RBM47: variants seen among roughly 807,000 people sequenced by gnomAD.
The protein encoded by RBM47 is RNA-binding protein 47.
A neutral mutation model predicts 47.1 loss-of-function variants in RBM47; 21 were observed. The observed-to-expected ratio is 0.45, with a 90% CI of 0.32 to 0.64. The LOEUF (loss-of-function observed/expected upper bound fraction) is 0.64, where lower values mean the gene tolerates loss of function less well. Among genes scored for constraint, RBM47 ranks in the 30% least tolerant of loss-of-function variants. RBM47 has a pLI of 0.05. For missense variants in RBM47, 708 were observed against 870.9 expected, an observed-to-expected ratio of 0.81 and a Z score of 2.35; for synonymous variants, 375 against 361.7, an observed-to-expected ratio of 1.04 and a Z score of -0.42.
intron 1 of RBM47, among the ~76,000 whole-genome samples, chr4:40,561,552 TTTC>T (rs1404064645): frequency 9.2e-5 from 13 of 142,004 alleles, no homozygotes; most frequent in African/African-American, 3.0e-4. Context: ...TTCTTTTTTT[TTTC>T]TTTTTTTTTT....
chr4:40,473,691 T>C (rs1337314858), intron 2 of RBM47, among the ~76,000 whole-genome samples: 3 of 152,186 alleles, frequency 2.0e-5, no homozygotes, highest in African/African-American at 4.8e-5. Flanking sequence ...GTTTCCTAGC[T>C]TCTTAAAAAA....
rs1353695045 is a variant in RBM47, at chr4:40,549,704, G to A, written c.-239-5198C>T. On this transcript the variant is annotated intron_variant, in intron 1 of 6. Transcript: ENST00000295971. ...TGCCCAGCTAATTTTTTTTTGAGAC[G>A]GAGTCTCACTCTGTCGCCCAGGCTA... Among the ~76,000 whole-genome samples the A allele has an allele frequency of 2.7e-5, 4 of 150,916 alleles. No homozygotes were observed. In the South Asian group the frequency reaches 6.3e-4, roughly 24 times the overall value.
At chr4:40,617,736 A>C (rs553938810) in intron 1 of RBM47, among the ~76,000 whole-genome samples, 1 of 151,204 alleles carries the variant, frequency 6.6e-6, no homozygotes, top group Non-Finnish European at 1.5e-5. Context: ...TATATGATTA[A>C]TTTGAGTTAT....
chr4:40,571,855 C>T (rs575037668), intron 1 of RBM47, among the ~76,000 whole-genome samples: 13 of 150,346 alleles, frequency 8.6e-5, no homozygotes, highest in Non-Finnish European at 1.9e-4. Flanking sequence ...CCCATCTCTA[C>T]TAAAAATACA....
intron 1 of RBM47, among the ~76,000 whole-genome samples, chr4:40,601,386 T>C (rs1375418841): frequency 6.6e-6 from 1 of 152,152 alleles, no homozygotes; most frequent in Non-Finnish European, 1.5e-5. Flanking sequence ...TTGGATGGTG[T>C]GTCAAACCAG....
chr4:40,578,612 T>C (rs1421439404), intron 1 of RBM47, among the ~76,000 whole-genome samples: 6 of 152,234 alleles, frequency 3.9e-5, no homozygotes, highest in Non-Finnish European at 5.9e-5. Context: ...TCATTGTTCT[T>C]CCATCTGAAA....
At chr4:40,485,371 C>T (rs1444407743) in intron 2 of RBM47, among the ~76,000 whole-genome samples, 1 of 152,216 alleles carries the variant, frequency 6.6e-6, no homozygotes, top group Admixed American at 6.5e-5. Context: ...AAAGCCAAGT[C>T]GACAGCTGCT....
chr4:40,549,090 A>G (rs1729293743), intron 1 of RBM47, among the ~76,000 whole-genome samples: 1 of 145,760 alleles, frequency 6.9e-6, no homozygotes, highest in Non-Finnish European at 1.5e-5. Flanking sequence ...ACATGACTGT[A>G]CCTCAGTTTC....
intron 3 of RBM47, among the ~76,000 whole-genome samples, chr4:40,442,860 G>A (rs1027025832): frequency 6.6e-6 from 1 of 152,076 alleles, no homozygotes; most frequent in Non-Finnish European, 1.5e-5. Context: ...TTTTAGTACA[G>A]GTGGGGTTTC....
At chr4:40,627,898 TA>T (rs567982559) in intron 1 of RBM47, among the ~76,000 whole-genome samples, 9 of 151,882 alleles carry the variant, frequency 5.9e-5, no homozygotes, top group Admixed American at 3.3e-4. Flanking sequence ...TAGAGATTGG[TA>T]AAAAAAATGA....
rs1491310906 is a variant in RBM47, at chr4:40,437,111, A to AT, written c.1124-465_1124-464insA. On this transcript the variant is annotated intron_variant, in intron 4 of 6. Coordinates refer to ENST00000295971, the MANE Select transcript of RBM47 (RefSeq NM_001098634.2). ...AAAAAATATATATATATATATATATAAAATACATATATATATATATAAAAT... is the reference window on the plus strand; with the variant it reads ...AAAAAATATATATATATATATATATATAAATACATATATATATATATAAAAT... 2.9e-3 allele frequency among the ~76,000 whole-genome samples: 184 copies of AT among 64,288 alleles called. 3 individuals carry two copies. The highest frequency in any genetic ancestry group is 0.017 in the African/African-American group (170 of 10,074). The allele number at this position is 64,288 out of a possible 152,430, so 42.2% of individuals were successfully genotyped here.
At chr4:40,468,502 T>C (rs1006496434) in intron 2 of RBM47, among the ~76,000 whole-genome samples, 11 of 152,210 alleles carry the variant, frequency 7.2e-5, no homozygotes, top group Admixed American at 2.0e-4. Flanking sequence ...ACTTCCATCA[T>C]TCATTGTGTC....
chr4:40,465,307 C>T (rs917915697), intron 3 of RBM47, among the ~76,000 whole-genome samples: 11 of 152,224 alleles, frequency 7.2e-5, no homozygotes, highest in Non-Finnish European at 1.3e-4. Context: ...CCTATCTTCC[C>T]TTCCTAGCAC....
chr4:40,445,750 A>G (rs886415212), intron 3 of RBM47, among the ~76,000 whole-genome samples: 3 of 152,210 alleles, frequency 2.0e-5, no homozygotes, highest in Non-Finnish European at 2.9e-5. Context: ...CCCATATACC[A>G]TCAGAATTTT....
intron 1 of RBM47, among the ~76,000 whole-genome samples, chr4:40,609,111 GC>G (rs1372220439): frequency 6.6e-6 from 1 of 152,052 alleles, no homozygotes; most frequent in Non-Finnish European, 1.5e-5. Context: ...TCCTGCCTCA[GC>G]CTCCTGAGTA....
At chr4:40,530,451 C>G (rs755186102) in intron 2 of RBM47, among the ~76,000 whole-genome samples, 4 of 152,040 alleles carry the variant, frequency 2.6e-5, no homozygotes, top group Admixed American at 6.6e-5. Context: ...TACAGGCACA[C>G]GCCATCGCAC....
intron 2 of RBM47, among the ~76,000 whole-genome samples, chr4:40,534,709 C>T (rs1425093075): frequency 2.0e-5 from 3 of 151,966 alleles, no homozygotes; most frequent in African/African-American, 7.2e-5. Context: ...CCGAGGCAGG[C>T]GGATCACGAG....
At chr4:40,428,455 G>A (rs1715394823) in intron 6 of RBM47, among the ~76,000 whole-genome samples, 1 of 152,192 alleles carries the variant, frequency 6.6e-6, no homozygotes, top group Non-Finnish European at 1.5e-5. Context: ...AACAATGAGT[G>A]TCTCATCAGT....
chr4:40,626,864 G>A (rs190125690), intron 1 of RBM47, among the ~76,000 whole-genome samples: 9 of 152,236 alleles, frequency 5.9e-5, no homozygotes, highest in Admixed American at 2.0e-4. Flanking sequence ...AATCTCTCCC[G>A]CATAAGATGG....
Sources: gnomAD v4.1 joint callset for allele counts (sites outside exome capture counted in the v4.1 genomes callset) on GRCh38, gnomAD v4.1.1 for gene constraint, MANE v1.5 for transcripts, NCBI Gene and HGNC (gene_info 2026-07-23, HGNC 2026-07-21) for gene names.